The following GLIS3 variants were observed in gnomAD, a reference collection of about 807,000 sequenced individuals.
GLIS3 encodes GLIS family zinc finger 3.
GLIS3 carries 53 observed loss-of-function variants against 78.6 expected under a neutral mutation model. That is an observed-to-expected ratio of 0.67 (90% CI 0.54 to 0.85). GLIS3 has a LOEUF of 0.85. Among genes scored for constraint, GLIS3 ranks in the 40% least tolerant of loss-of-function variants. The probability of loss-of-function intolerance (pLI) is 0.00; values close to 1 mark genes in which losing one functional copy is unlikely to be tolerated. For synonymous variants in GLIS3, 684 were observed against 509.9 expected, an observed-to-expected ratio of 1.34 and a Z score of -4.60; for missense variants, 1,703 against 1,231.1, an observed-to-expected ratio of 1.38 and a Z score of -5.74.
intron 4 of GLIS3, among the ~76,000 whole-genome samples, chr9:4,039,387 C>T (rs888801474): frequency 1.3e-5 from 2 of 152,126 alleles, no homozygotes; most frequent in Non-Finnish European, 2.9e-5. Flanking sequence ...TACAGGTATC[C>T]AAGCATCTCT....
chr9:4,330,562 T>C (rs1817669798), intron 2 of GLIS3, among the ~76,000 whole-genome samples: 1 of 149,848 alleles, frequency 6.7e-6, no homozygotes, highest in South Asian at 2.1e-4. Flanking sequence ...AAGGTTGAGA[T>C]GGAGATGAAG....
intron 2 of GLIS3, among the ~76,000 whole-genome samples, chr9:4,279,525 G>A (rs1225145884): frequency 6.6e-6 from 1 of 151,680 alleles, no homozygotes; most frequent in Non-Finnish European, 1.5e-5. Flanking sequence ...TAAGGGTGGT[G>A]TCTCTTGTGA....
chr9:4,305,211 A>G (rs1421179319), intron 4 of GLIS3: 1 of 152,228 alleles, frequency 6.6e-6, no homozygotes, highest in Non-Finnish European at 1.5e-5. Context: ...TTTTCAGGGC[A>G]GGAAACCCTA....
At chr9:3,893,814 G>T (rs1263824544) in intron 7 of GLIS3, among the ~76,000 whole-genome samples, 3 of 152,184 alleles carry the variant, frequency 2.0e-5, no homozygotes, top group African/African-American at 7.2e-5. Flanking sequence ...AGAAACGCTG[G>T]GGGTAGGGCC....
At chr9:4,342,223 G>T (rs1394547573) in intron 2 of GLIS3, among the ~76,000 whole-genome samples, 5 of 152,040 alleles carry the variant, frequency 3.3e-5, no homozygotes, top group East Asian at 1.9e-4. Context: ...TATAGTTTTG[G>T]GTTTTACATT....
intron 9 of GLIS3, among the ~76,000 whole-genome samples, chr9:3,841,778 G>A (rs920522772): frequency 4.6e-5 from 7 of 152,164 alleles, no homozygotes; most frequent in Non-Finnish European, 1.0e-4. Context: ...AGGATCAACT[G>A]AAATAATAAA....
chr9:4,364,201 T>A, the GLIS3 span, among the ~76,000 whole-genome samples: 1 of 152,248 alleles, frequency 6.6e-6, no homozygotes, highest in Non-Finnish European at 1.5e-5. Flanking sequence ...TATCCCTCAG[T>A]CTACTGAAAA....
intron 2 of GLIS3, among the ~76,000 whole-genome samples, chr9:4,213,524 A>C (rs113539117): frequency 6.6e-5 from 10 of 152,380 alleles, no homozygotes; most frequent in African/African-American, 2.4e-4. Context: ...ACGTGTAAGC[A>C]CTTGAAATGT....
At chr9:4,240,948 T>C (rs1823246972) in intron 2 of GLIS3, among the ~76,000 whole-genome samples, 1 of 6,844 alleles carries the variant, frequency 1.5e-4, no homozygotes, top group Non-Finnish European at 2.6e-4. Flanking sequence ...TAAGAAAATA[T>C]GTATGAGTGT....
the GLIS3 span, among the ~76,000 whole-genome samples, chr9:4,418,758 G>A: frequency 2.0e-5 from 3 of 152,092 alleles, no homozygotes; most frequent in African/African-American, 7.2e-5. Context: ...TTGGAGGGAG[G>A]AAAAATCTTC....
chr9:4,047,125 T>C (rs1287222736), intron 4 of GLIS3, among the ~76,000 whole-genome samples: 3 of 152,170 alleles, frequency 2.0e-5, no homozygotes, highest in Non-Finnish European at 2.9e-5. Context: ...ATGGGGGCTG[T>C]TTCCCCCATG....
At chr9:4,390,485 C>T in the GLIS3 span, among the ~76,000 whole-genome samples, 1 of 152,078 alleles carries the variant, frequency 6.6e-6, no homozygotes, top group Non-Finnish European at 1.5e-5. Context: ...CTTGCCTCTG[C>T]CTCCTGGATA....
At chr9:4,013,635 A>G (rs1822212215) in intron 4 of GLIS3, among the ~76,000 whole-genome samples, 1 of 152,210 alleles carries the variant, frequency 6.6e-6, no homozygotes, top group African/African-American at 2.4e-5. Flanking sequence ...CTCAAGAGAT[A>G]CTATTATTGG....
rs371976061 is a variant in GLIS3 at position 4,286,462 on chromosome 9, A to G, written c.-37T>C. 41 of 1,611,106 alleles carry G rather than the reference A, an allele frequency of 2.5e-5. No individual in the cohort carries two copies. The African/African-American group carries it at 3.5e-4, about 14-fold the overall frequency. ...TGTGGCCAAGACGGTCAAATATCCA[A>G]TGTCACTAATGACTCCTTTCAGGCA... On this transcript the variant is annotated 5_prime_UTR_variant, in exon 2 of 11. Transcript: ENST00000381971.
intron 2 of GLIS3, among the ~76,000 whole-genome samples, chr9:4,339,494 T>C (rs1817802051): frequency 6.6e-6 from 1 of 151,904 alleles, no homozygotes; most frequent in African/African-American, 2.4e-5. Context: ...GCCTTGTTTT[T>C]TGAAGGGCTG....
chr9:4,238,663 ACT>A (rs1263716548), intron 2 of GLIS3, among the ~76,000 whole-genome samples: 1 of 152,190 alleles, frequency 6.6e-6, no homozygotes, highest in Non-Finnish European at 1.5e-5. Flanking sequence ...AACAAAATTT[ACT>A]GAGCACATGT....
At chr9:4,419,194 A>T in the GLIS3 span, among the ~76,000 whole-genome samples, 1 of 152,218 alleles carries the variant, frequency 6.6e-6, no homozygotes, top group South Asian at 2.1e-4. Flanking sequence ...CCTTCTGATT[A>T]CATCAGGGAG....
chr9:3,987,784 A>AAAAAAAAAAAAAAAAAC (rs1554665966), intron 4 of GLIS3, among the ~76,000 whole-genome samples: 1 of 69,546 alleles, frequency 1.4e-5, no homozygotes, highest in Non-Finnish European at 2.9e-5. Flanking sequence ...AAAAAAAAAA[A>AAAAAAAAAAAAAAAAAC]AAAACAAAAC....
intron 4 of GLIS3, among the ~76,000 whole-genome samples, chr9:3,947,691 A>C (rs1441726056): frequency 6.6e-6 from 1 of 152,236 alleles, no homozygotes; most frequent in African/African-American, 2.4e-5. Flanking sequence ...CAAGATGCCA[A>C]ATTTTTAATG....
Sources: allele counts gnomAD v4.1 joint callset (sites outside exome capture counted in the v4.1 genomes callset), GRCh38; gene constraint gnomAD v4.1.1; transcripts MANE v1.5; gene names NCBI Gene and HGNC (gene_info 2026-07-23, HGNC 2026-07-21).